Variants in TRAF3IP2 observed in about 807,000 individuals in gnomAD.
TRAF3IP2 encodes TRAF3 interacting protein 2.
TRAF3IP2 carries 35 observed loss-of-function variants against 57.9 expected under a neutral mutation model. The observed-to-expected ratio is 0.60, with a 90% CI of 0.46 to 0.80. The LOEUF (loss-of-function observed/expected upper bound fraction) is 0.80. Ranked by LOEUF, TRAF3IP2 falls within the 30% of genes least tolerant of loss-of-function variation. The pLI is 0.00. For missense variants in TRAF3IP2, 556 were observed against 706.4 expected (o/e 0.79, Z 2.41); for synonymous variants, 251 against 268.9 (o/e 0.93, Z 0.65).
chr6:111,596,719 G>A (rs952467334), intron 1 of TRAF3IP2, among the ~76,000 whole-genome samples: 1 of 152,204 alleles, frequency 6.6e-6, no homozygotes, highest in East Asian at 1.9e-4. Context: ...CTCCCAAAGT[G>A]CTGGGATTAC....
intron 7 of TRAF3IP2, among the ~76,000 whole-genome samples, chr6:111,564,194 C>A (rs984191194): frequency 1.3e-5 from 2 of 152,094 alleles, no homozygotes; most frequent in African/African-American, 4.8e-5. Flanking sequence ...TCACACAACA[C>A]ACACAAATCC....
chr6:111,594,459 G>A (rs774196091), intron 1 of TRAF3IP2: 3 of 446,028 alleles, frequency 6.7e-6, no homozygotes, highest in South Asian at 3.2e-5. Context: ...GAGTACCTTA[G>A]AAGCGCTTTT....
At position 111,555,419 on chromosome 6, in the gene TRAF3IP2, A is replaced by G. The variant is rs1228361415; in HGVS notation, c.*3986T>C. On this transcript the variant is annotated 3_prime_UTR_variant, in exon 9 of 9. Coordinates refer to ENST00000368761, the MANE Select transcript of TRAF3IP2 (RefSeq NM_147686.4). ...GTGATTTATTTAACAGGAAACAAAG[A>G]AAAAGGTATCAACAGTAATAATTTT... Among the ~76,000 whole-genome samples, 1 of 152,216 alleles carries G rather than the reference A, an allele frequency of 6.6e-6. No individual in the cohort carries two copies. Among genetic ancestry groups the G allele is most frequent in the Non-Finnish European group, 1.5e-5 (1 of 68,030 alleles).
chr6:111,582,208 T>C (rs3777913), intron 2 of TRAF3IP2, among the ~76,000 whole-genome samples: 40,189 of 152,094 alleles, frequency 0.26, 5,902 homozygotes, highest in East Asian at 0.43. Context: ...TCAGATTCCC[T>C]GGACTCAATC....
chr6:111,590,199 A>C (rs1253703450), intron 2 of TRAF3IP2, among the ~76,000 whole-genome samples: 1 of 152,258 alleles, frequency 6.6e-6, no homozygotes, highest in Non-Finnish European at 1.5e-5. Flanking sequence ...TTGAGAGTCT[A>C]GTATGTGCCA....
chr6:111,578,690 G>A (rs1454761836), intron 3 of TRAF3IP2, among the ~76,000 whole-genome samples: 1 of 152,076 alleles, frequency 6.6e-6, no homozygotes, highest in African/African-American at 2.4e-5. Context: ...AAAATATGAG[G>A]GTTTGTGGGC....
intron 1 of TRAF3IP2, among the ~76,000 whole-genome samples, chr6:111,593,059 TA>T (rs1209359524): frequency 6.6e-6 from 1 of 152,212 alleles, no homozygotes; most frequent in Non-Finnish European, 1.5e-5. Context: ...CTCTCATCAT[TA>T]AACTGATTGA....
Position 111,572,936 on chromosome 6 carries a change from T to C in TRAF3IP2, c.1249A>G (p.Lys417Glu), listed in dbSNP as rs1253864619. Residue 417 changes from lysine (K) to glutamate (E), a missense_variant, in exon 5 of 9, where the codon AAA becomes GAA. By Grantham distance (56) the Lys-to-Glu change is moderately conservative (BLOSUM62 1). Transcript: ENST00000368761. ...YSMDTAMEVV[K>E]FVNFLLVNGF... ...TTTACCAACAAAAAGTTCACGAATT[T>C]CACCACCTCCATAGCTGTGTCCATC... 6.2e-7 allele frequency: 1 copy of C among 1,614,104 alleles called. No homozygotes were observed. The highest frequency in any genetic ancestry group is 8.5e-7 in the Non-Finnish European group (1 of 1,180,008).
chr6:111,571,092 T>C (rs76602417), intron 5 of TRAF3IP2, among the ~76,000 whole-genome samples: 1 of 150,426 alleles, frequency 6.6e-6, no homozygotes, highest in Non-Finnish European at 1.5e-5. Context: ...TTTTTTTTTT[T>C]TGAGACAGAG....
chr6:111,561,846 G>A (rs2128369146), intron 8 of TRAF3IP2, among the ~76,000 whole-genome samples: 1 of 152,326 alleles, frequency 6.6e-6, no homozygotes, highest in African/African-American at 2.4e-5. Flanking sequence ...CAAGGTCAAA[G>A]TGGAGATGAG....
At chr6:111,580,469 C>T in intron 2 of TRAF3IP2, 80 bp from the exon 3 acceptor site, 1 of 1,353,746 alleles carries the variant, frequency 7.4e-7, no homozygotes. Flanking sequence ...GCTCCATGCT[C>T]ATTTGTGTCT....
chr6:111,598,649 G>A (rs576625896), intron 1 of TRAF3IP2, among the ~76,000 whole-genome samples: 83 of 152,320 alleles, frequency 5.4e-4, no homozygotes, highest in Middle Eastern at 6.8e-3. Context: ...AGGAACAGTG[G>A]TTGCCTCTGG....
In TRAF3IP2 at chr6:111,591,442, G is replaced by C; in HGVS notation, c.645C>G (p.Pro215=). 2 of 1,583,866 alleles carry C rather than the reference G, an allele frequency of 1.3e-6. No individual in the cohort carries two copies. Among genetic ancestry groups the C allele is most frequent in the Non-Finnish European group, 1.7e-6 (2 of 1,164,046 alleles). Residue 215 remains proline, a synonymous_variant, in exon 2 of 9, where the codon CCC becomes CCG. Transcript: ENST00000368761. This position sits in a 1 kb window ranked among gnomAD's most constrained non-coding sequence, Gnocchi z 4.9. The part of the protein sequence containing the change: ...DVLGIRQLER[P]LPLTSVCYPQ... ...GGTAACACACGGAGGTGAGGGGCAG[G>C]GGCCTTTCCAGCTGCCTGATGCCCA...
At chr6:111,605,018 G>C (rs1298959954) in intron 1 of TRAF3IP2, among the ~76,000 whole-genome samples, 1 of 151,826 alleles carries the variant, frequency 6.6e-6, no homozygotes, top group East Asian at 1.9e-4. Flanking sequence ...GGAACCACAA[G>C]AAGTGAAGAA....
intron 5 of TRAF3IP2, among the ~76,000 whole-genome samples, chr6:111,570,028 C>A (rs1795779920): frequency 6.6e-6 from 1 of 152,110 alleles, no homozygotes; most frequent in African/African-American, 2.4e-5. Flanking sequence ...GAGACAGGAC[C>A]TTTAAAGAAG....
intron 1 of TRAF3IP2, among the ~76,000 whole-genome samples, chr6:111,599,066 ATTT>A (rs1017585005): frequency 4.6e-5 from 6 of 129,052 alleles, no homozygotes; most frequent in Non-Finnish European, 8.2e-5. Flanking sequence ...CACCTGGTTA[ATTT>A]TTTTTTTTTT....
At position 111,591,757 on chromosome 6, in the gene TRAF3IP2, G is replaced by C. The variant is rs760627770; in HGVS notation, c.330C>G (p.Cys110Trp). The C allele has an allele frequency of 1.2e-6, 2 of 1,614,108 alleles. No homozygotes were observed. Among genetic ancestry groups the C allele is most frequent in the Admixed American group, 3.3e-5 (2 of 60,008 alleles). The change falls in exon 2 of 9, where the codon TGC becomes TGG. Residue 110 changes from cysteine to tryptophan, a missense_variant. Transcript: ENST00000368761. This position sits in a 1 kb window ranked among gnomAD's most constrained non-coding sequence, Gnocchi z 4.9. ...CAGACGCAGGCTCGCTGACTGCAGAGCACCCAGAAGGGAAAGCTTTGCCCA... is the reference window on the plus strand; with the variant it reads ...CAGACGCAGGCTCGCTGACTGCAGACCACCCAGAAGGGAAAGCTTTGCCCA... ...PGLGKAFPSG[C>W]SAVSEPASES...
rs748678854 is a variant in TRAF3IP2, at chr6:111,591,698, T to A, written c.389A>T (p.Gln130Leu). Residue 130 changes from glutamine to leucine, a missense_variant, in exon 2 of 9, where the codon CAG becomes CTG. Gln to Leu is a moderately radical substitution (Grantham distance 113). Around this residue, in one of 2 missense-constraint regions of TRAF3IP2, gnomAD observed 428 missense variants for 498.7 expected, o/e 0.86. Transcript: ENST00000368761. The surrounding 1 kb of genome is among the most constrained non-coding windows in gnomAD (Gnocchi z 4.9). Reference protein sequence around the residue: ...SVVGALPAEHQFSFMEKRNQW... With the variant: ...SVVGALPAEHLFSFMEKRNQW... ...ATTACGTTTTTCCATAAATGAAAAC[T>A]GATGCTCTGCAGGGAGGGCTCCAAC... 1 of 1,614,120 alleles carries A rather than the reference T, an allele frequency of 6.2e-7. No individual in the cohort carries two copies. The highest frequency in any genetic ancestry group is 1.3e-5 in the African/African-American group (1 of 74,944).
At chr6:111,587,606 T>A (rs188511138) in intron 2 of TRAF3IP2, among the ~76,000 whole-genome samples, 212 of 152,140 alleles carry the variant, frequency 1.4e-3, no homozygotes, top group Admixed American at 4.9e-3. Context: ...AAGGAAAATA[T>A]ACCTGTCTCC....
Sources: gnomAD v4.1 joint callset for allele counts (sites outside exome capture counted in the v4.1 genomes callset) on GRCh38, gnomAD v4.1.1 for gene constraint, gnomAD v4.1.1 regional missense constraint, Gnocchi (gnomAD v3.1) non-coding constraint, MANE v1.5 for transcripts, NCBI Gene and HGNC (gene_info 2026-07-23, HGNC 2026-07-21) for gene names.